Variants in RYK observed in about 807,000 individuals in gnomAD.
The protein encoded by RYK is inactive tyrosine-protein kinase RYK.
A neutral mutation model predicts 70.2 loss-of-function variants in RYK; 21 were observed. The observed-to-expected ratio is 0.30, with a 90% CI of 0.21 to 0.43. The LOEUF (loss-of-function observed/expected upper bound fraction) is 0.43, where lower values mean the gene tolerates loss of function less well. Ranked by LOEUF, RYK falls within the 20% of genes least tolerant of loss-of-function variation. The pLI is 1.00. For synonymous variants in RYK, 267 were observed against 278.0 expected (o/e 0.96, Z 0.39); for missense variants, 604 against 753.3 (o/e 0.80, Z 2.32).
At chr3:134,204,916 A>G (rs985007786) in intron 5 of RYK, among the ~76,000 whole-genome samples, 2 of 152,144 alleles carry the variant, frequency 1.3e-5, no homozygotes, top group Admixed American at 1.3e-4. Context: ...CAAGAGCAGA[A>G]GCAGGGAACA....
chr3:134,204,069 A>C (rs1560015267), intron 5 of RYK, among the ~76,000 whole-genome samples: 2 of 152,240 alleles, frequency 1.3e-5, no homozygotes, highest in African/African-American at 4.8e-5. Context: ...CAGAAGACTG[A>C]GTGACAGAAG....
At chr3:134,172,442 G>A (rs551298522) in intron 13 of RYK, among the ~76,000 whole-genome samples, 1 of 152,254 alleles carries the variant, frequency 6.6e-6, no homozygotes, top group South Asian at 2.1e-4. Flanking sequence ...TGTAGAGCTG[G>A]TAAACAGTTC....
intron 8 of RYK, among the ~76,000 whole-genome samples, chr3:134,190,114 T>A (rs1232678689): frequency 6.6e-6 from 1 of 152,252 alleles, no homozygotes; most frequent in Non-Finnish European, 1.5e-5. Context: ...GAGTAACTTG[T>A]ATGCTCAAGG....
At chr3:134,189,884 C>A (rs1243032756) in intron 8 of RYK, among the ~76,000 whole-genome samples, 2 of 152,048 alleles carry the variant, frequency 1.3e-5, no homozygotes, top group African/African-American at 4.8e-5. Context: ...ATAGAAAACT[C>A]CCAAACAAGA....
intron 1 of RYK, among the ~76,000 whole-genome samples, chr3:134,225,461 A>G (rs1460179717): frequency 4.6e-5 from 7 of 152,098 alleles, no homozygotes; most frequent in Admixed American, 2.6e-4. Context: ...GAAAAAAAAA[A>G]GGGCTTCAAA....
At chr3:134,162,927 T>C (rs771306553) in intron 13 of RYK, among the ~76,000 whole-genome samples, 10 of 152,178 alleles carry the variant, frequency 6.6e-5, no homozygotes, top group Non-Finnish European at 1.3e-4. Flanking sequence ...ATCCTGACTC[T>C]TTGTACACAG....
chr3:134,172,346 T>C (rs984110294), intron 13 of RYK, among the ~76,000 whole-genome samples: 3 of 152,144 alleles, frequency 2.0e-5, no homozygotes, highest in Admixed American at 1.3e-4. Flanking sequence ...TCAACTGATA[T>C]TATGTTTTAA....
chr3:134,187,850 G>A (rs2013518743), intron 9 of RYK, among the ~76,000 whole-genome samples: 1 of 151,204 alleles, frequency 6.6e-6, no homozygotes, highest in African/African-American at 2.4e-5. Flanking sequence ...GTGAGCCACT[G>A]CACCCAGCTC....
At chr3:134,172,081 TCAC>T (rs1303417666) in intron 13 of RYK, among the ~76,000 whole-genome samples, 1 of 152,166 alleles carries the variant, frequency 6.6e-6, no homozygotes, top group Admixed American at 6.5e-5. Context: ...TAGTTTTGGT[TCAC>T]CACAACAGCC....
Position 134,241,265 on chromosome 3 carries a change from G to A in RYK, c.232+9158C>T, listed in dbSNP as rs193108995. On this transcript the variant is annotated intron_variant, in intron 1 of 14. Coordinates refer to ENST00000623711, the MANE Select transcript of RYK (RefSeq NM_002958.4). ...CTCAGGAGCCTTAGGCACGACAATC[G>A]CTTGAAGCTGGGAGACAGAGACTGC... 9.8e-4 allele frequency among the ~76,000 whole-genome samples: 148 copies of A among 151,000 alleles called. 1 individual carries two copies. The highest frequency in any genetic ancestry group is 3.1e-3 in the African/African-American group (127 of 41,108).
chr3:134,236,538 C>T (rs779062762), intron 1 of RYK, among the ~76,000 whole-genome samples: 51 of 152,154 alleles, frequency 3.4e-4, no homozygotes, highest in Non-Finnish European at 1.9e-4. Flanking sequence ...CCCTATCAAA[C>T]TTCTGACTCC....
At chr3:134,187,145 AAAT>A (rs2013491196) in intron 9 of RYK, among the ~76,000 whole-genome samples, 1 of 152,200 alleles carries the variant, frequency 6.6e-6, no homozygotes, top group Non-Finnish European at 1.5e-5. Flanking sequence ...CTTGTTTAGA[AAAT>A]ATTAAAGAGG....
intron 6 of RYK, among the ~76,000 whole-genome samples, chr3:134,200,235 T>A (rs1016293998): frequency 6.6e-6 from 1 of 152,128 alleles, no homozygotes; most frequent in Admixed American, 6.5e-5. Flanking sequence ...GCACTACCTT[T>A]ATGAGCTGTA....
Position 134,159,242 on chromosome 3 carries a change from A to C in RYK, c.1707T>G (p.Asp569Glu). Residue 569 changes from aspartate (D) to glutamate (E), a missense_variant, in exon 14 of 15, where the codon GAT becomes GAG. Physicochemically the swap from Asp to Glu is conservative, Grantham distance 45. Coordinates refer to ENST00000623711, the MANE Select transcript of RYK (RefSeq NM_002958.4). ...TCAAGCTCAAAAAAACTCACAATTC[A>C]TCAGGACAGTTGATTGGCTGGGCTA... ...YRIAQPINCP[D>E]ELFAVMACCW... The C allele has an allele frequency of 1.2e-6, 2 of 1,613,868 alleles. No homozygotes were observed. Among genetic ancestry groups the C allele is most frequent in the South Asian group, 2.2e-5 (2 of 91,070 alleles).
intron 6 of RYK, among the ~76,000 whole-genome samples, chr3:134,197,853 A>G (rs2013863193): frequency 6.6e-6 from 1 of 152,268 alleles, no homozygotes; most frequent in Non-Finnish European, 1.5e-5. Flanking sequence ...TTAACTTAAC[A>G]GTAGGTGGCA....
In RYK at chr3:134,250,449, C is replaced by T; in HGVS notation, c.206G>A (p.Ser69Asn). 7.1e-7 allele frequency: 1 copy of T among 1,409,334 alleles called. No individual in the cohort carries two copies. The highest frequency in any genetic ancestry group is 9.3e-7 in the Non-Finnish European group (1 of 1,079,768). The allele number at this position is 1,409,334 out of a possible 1,614,324, so 87.3% of individuals were successfully genotyped here. The change falls in exon 1 of 15, where the codon AGC (serine) becomes AAC (asparagine). Residue 69 changes from serine (S) to asparagine (N), a missense_variant. This residue lies in a region of RYK where 466 missense variants were observed against 535.9 expected (regional missense o/e 0.87). Coordinates refer to ENST00000623711, the MANE Select transcript of RYK (RefSeq NM_002958.4). ...SAGPSVSLYL[S>N]EDEVRRLIGL... ...GATCAGCCGGCGCACCTCGTCCTCGCTCAGGTAGAGACTCACGCTGGGCCC... is the reference window on the plus strand; with the variant it reads ...GATCAGCCGGCGCACCTCGTCCTCGTTCAGGTAGAGACTCACGCTGGGCCC...
intron 13 of RYK, among the ~76,000 whole-genome samples, chr3:134,169,365 G>A (rs1182076113): frequency 6.6e-6 from 1 of 152,062 alleles, no homozygotes; most frequent in African/African-American, 2.4e-5. Context: ...CAAAGAAGAT[G>A]TAAATCAAGA....
At chr3:134,164,619 G>A (rs1006468620) in intron 13 of RYK, among the ~76,000 whole-genome samples, 5 of 152,200 alleles carry the variant, frequency 3.3e-5, no homozygotes, top group Non-Finnish European at 7.3e-5. Flanking sequence ...AGTATAGCTC[G>A]TTATATGAAT....
intron 9 of RYK, 79 bp from the exon 10 acceptor site, chr3:134,183,150 A>G (rs992391338): frequency 6.3e-6 from 5 of 788,790 alleles, no homozygotes; most frequent in African/African-American, 1.8e-5. Flanking sequence ...TTAGTAAATA[A>G]TTATCTTGAA....
Sources: gnomAD v4.1 joint callset for allele counts (sites outside exome capture counted in the v4.1 genomes callset) on GRCh38, gnomAD v4.1.1 for gene constraint, gnomAD v4.1.1 regional missense constraint, MANE v1.5 for transcripts, NCBI Gene and HGNC (gene_info 2026-07-23, HGNC 2026-07-21) for gene names.